ADAM9: variants seen among roughly 807,000 people sequenced by gnomAD.
ADAM9 encodes disintegrin and metalloproteinase domain-containing protein 9.
ADAM9 carries 54 observed loss-of-function variants against 108.1 expected under a neutral mutation model. The observed-to-expected ratio is 0.50, with a 90% CI of 0.40 to 0.63. The LOEUF (loss-of-function observed/expected upper bound fraction) is 0.63. Ranked by LOEUF, ADAM9 falls within the 20% of genes least tolerant of loss-of-function variation. The probability of loss-of-function intolerance (pLI) is 0.00; values close to 1 mark genes in which losing one functional copy is unlikely to be tolerated. For missense variants in ADAM9, 830 were observed against 997.7 expected, an observed-to-expected ratio of 0.83 and a Z score of 2.26; for synonymous variants, 316 against 336.0, an observed-to-expected ratio of 0.94 and a Z score of 0.65.
chr8:39,058,007 A>G (rs568393584), intron 14 of ADAM9, among the ~76,000 whole-genome samples: 1 of 152,252 alleles, frequency 6.6e-6, no homozygotes, highest in South Asian at 2.1e-4. Context: ...GCATAATTCC[A>G]CCTAGCATGA....
intron 1 of ADAM9, among the ~76,000 whole-genome samples, chr8:39,002,862 T>C (rs187672924): frequency 6.6e-6 from 1 of 151,784 alleles, no homozygotes; most frequent in Non-Finnish European, 1.5e-5. Flanking sequence ...TTAGACGGAG[T>C]CTCCCTCGGA....
chr8:39,067,682 A>G (rs1838530060), intron 14 of ADAM9, among the ~76,000 whole-genome samples: 5 of 152,286 alleles, frequency 3.3e-5, no homozygotes, highest in South Asian at 4.2e-4. Flanking sequence ...CAATCATGTC[A>G]TCTGCAAACA....
At chr8:39,011,859 C>T in intron 3 of ADAM9, 143 bp downstream of exon 3, 1 of 770,800 alleles carries the variant, frequency 1.3e-6, no homozygotes, top group South Asian at 1.6e-5. Flanking sequence ...TGCACAGTGG[C>T]AGCTGGCTGG....
chr8:39,089,788 A>G (rs376265081), intron 18 of ADAM9: 1 of 450,324 alleles, frequency 2.2e-6, no homozygotes, highest in East Asian at 4.6e-5. Flanking sequence ...TGTTGACAGT[A>G]GAAACGTATT....
At chr8:39,088,795 G>A (rs1839256490) in intron 18 of ADAM9, among the ~76,000 whole-genome samples, 1 of 152,264 alleles carries the variant, frequency 6.6e-6, no homozygotes, top group Non-Finnish European at 1.5e-5. Flanking sequence ...AAAGCATAGT[G>A]CCATAGGTTA....
At chr8:39,022,959 T>C (rs1263535670) in intron 8 of ADAM9, among the ~76,000 whole-genome samples, 197 bp from the exon 9 acceptor site, 7 of 152,164 alleles carry the variant, frequency 4.6e-5, no homozygotes, top group African/African-American at 1.7e-4. Context: ...GTGATCCAAC[T>C]GCCTCGGCCT....
rs1212137416 is a variant in ADAM9, at chr8:39,090,028, G to A, written c.2069-19G>A. The A allele has an allele frequency of 6.2e-7, 1 of 1,613,200 alleles. No individual in the cohort carries two copies. The highest frequency in any genetic ancestry group is 1.3e-5 in the African/African-American group (1 of 74,958). ...TAGTATGAGTTTGGTGACTGTTGAT[G>A]TAAAATTCTTCTCTCTAGAAATGAA... On this transcript the variant is annotated intron_variant, in intron 18 of 21. Coordinates refer to ENST00000487273, the MANE Select transcript of ADAM9 (RefSeq NM_003816.3).
chr8:39,075,193 C>T (rs960595607), intron 15 of ADAM9, among the ~76,000 whole-genome samples: 4 of 152,098 alleles, frequency 2.6e-5, no homozygotes, highest in South Asian at 2.1e-4. Flanking sequence ...AGGCGTGAGC[C>T]ACCGCGCCTG....
Position 39,006,888 on chromosome 8 carries a change from A to C in ADAM9, c.98-998A>C, listed in dbSNP as rs544763643. On this transcript the variant is annotated intron_variant, in intron 1 of 21. Transcript: ENST00000487273. ...GTGATGGATTAATGGCTATAATTTG[A>C]AAGCGTGGCTACATTGTTGAGTATG... is the stretch of plus-strand genomic sequence containing the variant. Among the ~76,000 whole-genome samples the C allele has an allele frequency of 2.6e-5, 4 of 152,332 alleles. No individual in the cohort carries two copies. The East Asian group carries it at 7.7e-4, about 29-fold the overall frequency.
At chr8:39,091,071 A>G (rs1277952656) in intron 19 of ADAM9, among the ~76,000 whole-genome samples, 188 bp from the exon 20 acceptor site, 1 of 152,204 alleles carries the variant, frequency 6.6e-6, no homozygotes, top group African/African-American at 2.4e-5. Flanking sequence ...AATGCTTTCT[A>G]ATACCATAAG....
At position 39,021,292 on chromosome 8, in the gene ADAM9, A is replaced by AT. The variant is rs1425149901; in HGVS notation, c.673-343dup. ...ACAGACACATTTTTATTTTATTTTT[A>AT]TTTTTTTTGAGATGGAGTTTTGCTC... is the stretch of plus-strand genomic sequence containing the variant. On this transcript the variant is annotated intron_variant, in intron 7 of 21. Transcript: ENST00000487273. Among the ~76,000 whole-genome samples the AT allele has an allele frequency of 4.0e-5, 6 of 151,748 alleles. No individual in the cohort carries two copies. In the South Asian group the frequency reaches 8.4e-4, roughly 21 times the overall value.
intron 18 of ADAM9, among the ~76,000 whole-genome samples, chr8:39,088,234 G>A (rs541566024): frequency 1.5e-5 from 2 of 136,218 alleles, no homozygotes; most frequent in South Asian, 5.1e-4. Context: ...TTGATTTTCA[G>A]TTGGGATAAA....
Position 39,060,354 on chromosome 8 carries a change from G to A in ADAM9, c.1591+4582G>A, listed in dbSNP as rs143561513. ...GGCTAAGCAGCAGAGCATCTTGCCT[G>A]ACAGCCTGGACCTATTGCAGAGTTT... On this transcript the variant is annotated intron_variant, in intron 14 of 21. Transcript: ENST00000487273. Among the ~76,000 whole-genome samples, 713 of 152,310 alleles carry A rather than the reference G, an allele frequency of 4.7e-3. 1 individual carries two copies. The highest frequency in any genetic ancestry group is 0.016 in the African/African-American group (684 of 41,558).
intron 18 of ADAM9, among the ~76,000 whole-genome samples, chr8:39,085,151 G>T (rs1384058190): frequency 6.6e-6 from 1 of 151,910 alleles, no homozygotes; most frequent in Non-Finnish European, 1.5e-5. Flanking sequence ...CAATTAAGTT[G>T]TTTCGATAAT....
At chr8:39,001,671 GTT>G (rs1020330184) in intron 1 of ADAM9, among the ~76,000 whole-genome samples, 1 of 144,594 alleles carries the variant, frequency 6.9e-6, no homozygotes. Context: ...TTTGAAGGTA[GTT>G]TTTTTTTTTT....
intron 14 of ADAM9, among the ~76,000 whole-genome samples, chr8:39,065,825 A>G (rs1233302993): frequency 1.3e-5 from 2 of 152,026 alleles, no homozygotes; most frequent in Non-Finnish European, 2.9e-5. Context: ...ATATGTATAC[A>G]TGTGCCATGT....
intron 11 of ADAM9, among the ~76,000 whole-genome samples, chr8:39,036,049 G>A (rs1837263751): frequency 6.6e-6 from 1 of 151,104 alleles, no homozygotes; most frequent in African/African-American, 2.4e-5. Flanking sequence ...TTAGATGCTA[G>A]TGATGTACAT....
At chr8:39,012,748 A>G (rs1836396760) in intron 3 of ADAM9, among the ~76,000 whole-genome samples, 1 of 152,190 alleles carries the variant, frequency 6.6e-6, no homozygotes, top group Non-Finnish European at 1.5e-5. Context: ...TTGAACAATG[A>G]GAACACTTGG....
intron 18 of ADAM9, among the ~76,000 whole-genome samples, chr8:39,089,112 G>A (rs1446759343): frequency 6.6e-6 from 1 of 152,090 alleles, no homozygotes; most frequent in African/African-American, 2.4e-5. Context: ...AGCTGGGCGT[G>A]GTGGCGCATA....
Sources: allele counts gnomAD v4.1 joint callset (sites outside exome capture counted in the v4.1 genomes callset), GRCh38; gene constraint gnomAD v4.1.1; transcripts MANE v1.5; gene names NCBI Gene and HGNC (gene_info 2026-07-23, HGNC 2026-07-21).